The following DLGAP1 variants were observed in gnomAD, a reference collection of about 807,000 sequenced individuals.
DLGAP1 encodes the protein DLG associated protein 1.
In DLGAP1, 11 loss-of-function variants were observed where a neutral mutation model predicts 90.8. The observed-to-expected ratio is 0.12, with a 90% CI of 0.08 to 0.20. The LOEUF is 0.20. Ranked by LOEUF, DLGAP1 falls within the 10% of genes least tolerant of loss-of-function variation. The probability of loss-of-function intolerance (pLI) is 1.00; values close to 1 mark genes in which losing one functional copy is unlikely to be tolerated. For missense variants in DLGAP1, 1,050 were observed against 1,333.8 expected, an observed-to-expected ratio of 0.79 and a Z score of 3.31; for synonymous variants, 558 against 540.7, an observed-to-expected ratio of 1.03 and a Z score of -0.44.
At chr18:4,148,297 G>A (rs1159915392) in intron 2 of DLGAP1, among the ~76,000 whole-genome samples, 1 of 152,164 alleles carries the variant, frequency 6.6e-6, no homozygotes, top group Non-Finnish European at 1.5e-5. Context: ...CCACTGGTAA[G>A]TGAGGTCAAA....
intron 2 of DLGAP1, among the ~76,000 whole-genome samples, chr18:4,121,614 C>A (rs935721281): frequency 6.6e-6 from 1 of 152,014 alleles, no homozygotes; most frequent in African/African-American, 2.4e-5. Context: ...CCTGATGTTT[C>A]TTCCTAGCAA....
chr18:3,959,925 T>G (rs9954376), intron 3 of DLGAP1, among the ~76,000 whole-genome samples: 142,063 of 152,206 alleles, frequency 0.93, 66,773 homozygotes, highest in East Asian at 1. Context: ...TACACTTACA[T>G]CACATTTCAA....
At chr18:3,812,108 T>C (rs1357902404) in intron 5 of DLGAP1, among the ~76,000 whole-genome samples, 1 of 152,222 alleles carries the variant, frequency 6.6e-6, no homozygotes, top group Non-Finnish European at 1.5e-5. Flanking sequence ...TAAGTGACTT[T>C]CTTGCCCATT....
At chr18:3,955,130 G>A (rs553183027) in intron 3 of DLGAP1, among the ~76,000 whole-genome samples, 3 of 152,244 alleles carry the variant, frequency 2.0e-5, no homozygotes, top group Admixed American at 2.0e-4. Flanking sequence ...TGCAGAGATA[G>A]GAAGAGTGCC....
At chr18:4,199,581 C>A (rs1431251319) in intron 1 of DLGAP1, among the ~76,000 whole-genome samples, 1 of 152,168 alleles carries the variant, frequency 6.6e-6, no homozygotes, top group African/African-American at 2.4e-5. Flanking sequence ...ACTGTTCTCC[C>A]ATTTACCCAC....
rs148475870 is a variant in DLGAP1, at chr18:4,254,602, T to A, written c.-266-103315A>T. Among the ~76,000 whole-genome samples the A allele has an allele frequency of 1.9e-3, 289 of 152,302 alleles. 3 individuals are homozygous for A. The highest frequency in any genetic ancestry group is 3.5e-3 in the Non-Finnish European group (235 of 68,026). On this transcript the variant is annotated intron_variant, in intron 1 of 12. Transcript: ENST00000315677. The stretch of plus-strand genomic sequence containing the variant: ...ATCTAAAATAATGCTCAGAACCATA[T>A]CATCTCATATTATCCAGAGGACAGA...
chr18:3,803,985 T>C (rs1418238717), intron 5 of DLGAP1, among the ~76,000 whole-genome samples: 2 of 97,084 alleles, frequency 2.1e-5, no homozygotes, highest in African/African-American at 3.4e-5. Context: ...TATATATATA[T>C]ATATATATAT....
chr18:3,503,957 AC>A (rs1372057538), intron 11 of DLGAP1, among the ~76,000 whole-genome samples: 2 of 152,168 alleles, frequency 1.3e-5, no homozygotes, highest in Non-Finnish European at 2.9e-5. Context: ...TAATCCAGGC[AC>A]GATGGTGCAC....
intron 3 of DLGAP1, among the ~76,000 whole-genome samples, chr18:3,949,759 C>T (rs889319114): frequency 6.6e-6 from 1 of 152,056 alleles, no homozygotes; most frequent in African/African-American, 2.4e-5. Context: ...ATATTTTGTT[C>T]TAAAAATCTG....
intron 4 of DLGAP1, among the ~76,000 whole-genome samples, chr18:3,814,850 T>G (rs2067022564): frequency 6.6e-6 from 1 of 152,204 alleles, no homozygotes; most frequent in Non-Finnish European, 1.5e-5. Context: ...AGTATTTTCT[T>G]TTTTTGGTAT....
chr18:4,310,739 G>A (rs1382236950), intron 1 of DLGAP1, among the ~76,000 whole-genome samples: 4 of 152,256 alleles, frequency 2.6e-5, no homozygotes, highest in East Asian at 1.9e-4. Context: ...TTATCTAGAA[G>A]CAACAGAAAT....
intron 8 of DLGAP1, among the ~76,000 whole-genome samples, chr18:3,579,932 T>G (rs2055388631): frequency 6.6e-6 from 1 of 152,212 alleles, no homozygotes; most frequent in Non-Finnish European, 1.5e-5. Context: ...GATTCACATT[T>G]TTGTTCTCAT....
At chr18:4,201,798 G>C (rs755419347) in intron 1 of DLGAP1, among the ~76,000 whole-genome samples, 1 of 151,970 alleles carries the variant, frequency 6.6e-6, no homozygotes, top group Non-Finnish European at 1.5e-5. Flanking sequence ...CAGTCAAAAT[G>C]GCCATTATTA....
chr18:4,088,092 T>C (rs955122374), intron 2 of DLGAP1, among the ~76,000 whole-genome samples: 2 of 150,862 alleles, frequency 1.3e-5, no homozygotes, highest in African/African-American at 4.9e-5. Context: ...ATTTATTTTT[T>C]TCCTATAGAA....
At chr18:4,352,448 C>T (rs920636424) in intron 1 of DLGAP1, among the ~76,000 whole-genome samples, 1 of 152,114 alleles carries the variant, frequency 6.6e-6, no homozygotes, top group Non-Finnish European at 1.5e-5. Context: ...ATTTACTTAG[C>T]ACCTACTCAA....
chr18:3,888,107 C>CAAA (rs1164887393), intron 3 of DLGAP1, among the ~76,000 whole-genome samples: 9 of 49,372 alleles, frequency 1.8e-4, no homozygotes, highest in African/African-American at 2.3e-4. Flanking sequence ...GACTCCATCT[C>CAAA]AAAAAAAAAA....
intron 9 of DLGAP1, among the ~76,000 whole-genome samples, chr18:3,551,780 CT>C (rs2053490885): frequency 8.5e-6 from 1 of 117,394 alleles, no homozygotes; most frequent in South Asian, 3.3e-4. Flanking sequence ...TCTTTCCTTC[CT>C]TTTTTTCTTT....
At chr18:4,255,048 G>C (rs2078860351) in intron 1 of DLGAP1, among the ~76,000 whole-genome samples, 1 of 152,190 alleles carries the variant, frequency 6.6e-6, no homozygotes, top group Non-Finnish European at 1.5e-5. Flanking sequence ...AACCAGCCTG[G>C]GCAAAGCAGA....
chr18:4,379,933 A>G (rs1184921886), intron 1 of DLGAP1, among the ~76,000 whole-genome samples: 2 of 152,178 alleles, frequency 1.3e-5, no homozygotes, highest in Non-Finnish European at 2.9e-5. Context: ...AAATGAATAA[A>G]CCAATATACA....
Sources: allele counts gnomAD v4.1 joint callset (sites outside exome capture counted in the v4.1 genomes callset), GRCh38; gene constraint gnomAD v4.1.1; transcripts MANE v1.5; gene names NCBI Gene and HGNC (gene_info 2026-07-23, HGNC 2026-07-21).